KATNIP: variants seen among roughly 807,000 people sequenced by gnomAD.
KATNIP encodes katanin-interacting protein.
In KATNIP, 126 loss-of-function variants were observed where a neutral mutation model predicts 174.0. The ratio of observed to expected loss-of-function variants is 0.72; its 90% confidence interval spans 0.63 to 0.84. The LOEUF (loss-of-function observed/expected upper bound fraction) is 0.84, where lower values mean the gene tolerates loss of function less well. Among genes scored for constraint, KATNIP ranks in the 40% least tolerant of loss-of-function variants. The pLI, the probability that KATNIP is intolerant of heterozygous loss-of-function variation, is 0.00. For missense variants in KATNIP, 1,958 were observed against 2,109.7 expected, an observed-to-expected ratio of 0.93 and a Z score of 1.41; for synonymous variants, 810 against 835.7, an observed-to-expected ratio of 0.97 and a Z score of 0.53.
intron 2 of KATNIP, among the ~76,000 whole-genome samples, chr16:27,616,960 G>A (rs2076058537): frequency 7.7e-6 from 1 of 130,310 alleles, no homozygotes; most frequent in Admixed American, 8.4e-5. Flanking sequence ...TTTATATGTA[G>A]ATATGTATCT....
chr16:27,677,943 C>T lies in KATNIP; in HGVS notation c.755C>T (p.Ser252Phe), dbSNP rs746639861. 4 of 1,614,138 alleles carry T rather than the reference C, an allele frequency of 2.5e-6. No individual in the cohort carries two copies. The East Asian group carries it at 8.9e-5, about 36-fold the overall frequency. Reference protein sequence around the residue: ...VHGEQETEGRSSPGPDTLVVL... With the variant: ...VHGEQETEGRFSPGPDTLVVL... ...GGGGAACAGGAGACAGAAGGACGCT[C>T]TTCTCCAGGCCCAGACACCCTCGTG... is the stretch of plus-strand genomic sequence containing the variant. The change falls in exon 7 of 28, where the codon TCT becomes TTT. Residue 252 changes from serine (S) to phenylalanine (F), a missense_variant. Physicochemically the swap from Ser to Phe is radical, Grantham distance 155. Coordinates refer to ENST00000261588, the MANE Select transcript of KATNIP (RefSeq NM_015202.5).
rs1292702030 is a variant in KATNIP, at chr16:27,766,360, C to G, written c.3861C>G (p.Ile1287Met). 6.2e-7 allele frequency: 1 copy of G among 1,614,192 alleles called. No individual in the cohort carries two copies. Among genetic ancestry groups the G allele is most frequent in the East Asian group, 2.2e-5 (1 of 44,878 alleles). Residue 1287 changes from isoleucine (I) to methionine (M), a missense_variant, in exon 20 of 28, where the codon ATC (isoleucine) becomes ATG (methionine). Physicochemically the swap from Ile to Met is conservative, Grantham distance 10 (BLOSUM62 1). Around this residue, in one of 3 missense-constraint regions of KATNIP, gnomAD observed 383 missense variants for 456.0 expected, o/e 0.84. Transcript: ENST00000261588. Reference protein sequence around the residue: ...ITMEDEHMWLIPFSPGLDHVV... With the variant: ...ITMEDEHMWLMPFSPGLDHVV... The stretch of plus-strand genomic sequence containing the variant: ...TGGAGGATGAGCATATGTGGCTGAT[C>G]CCCTTCTCGCCGGGGCTGGACCATG...
intron 8 of KATNIP, among the ~76,000 whole-genome samples, chr16:27,697,156 T>C (rs1317798688): frequency 6.6e-6 from 1 of 152,232 alleles, no homozygotes; most frequent in Non-Finnish European, 1.5e-5. Flanking sequence ...TTTATATTCC[T>C]TTGGGTATAT....
At chr16:27,560,080 A>G (rs1270011) in intron 1 of KATNIP, among the ~76,000 whole-genome samples, 145,666 of 152,010 alleles carry the variant, frequency 0.96, 69,851 homozygotes, top group East Asian at 1. Context: ...TCAGGAGTTC[A>G]AGACTAGCCT....
chr16:27,747,928 G>A (rs2081353624), intron 15 of KATNIP, among the ~76,000 whole-genome samples: 1 of 152,204 alleles, frequency 6.6e-6, no homozygotes, highest in African/African-American at 2.4e-5. Flanking sequence ...TGCCAGTGGG[G>A]AAGGAGTGAT....
chr16:27,699,421 T>A, intron 9 of KATNIP, 113 bp from the exon 10 acceptor site: 1 of 1,508,522 alleles, frequency 6.6e-7, no homozygotes, highest in Non-Finnish European at 8.9e-7. Flanking sequence ...GAACTTTATA[T>A]CTATGGTAGC....
intron 5 of KATNIP, among the ~76,000 whole-genome samples, chr16:27,646,922 T>C (rs1361696322): frequency 2.0e-5 from 3 of 152,196 alleles, no homozygotes; most frequent in East Asian, 3.8e-4. Context: ...CACCTCCCCA[T>C]TGCAGCTGGC....
rs563607410 is a variant in KATNIP, at chr16:27,691,685, A to G, written c.941-6643A>G. Among the ~76,000 whole-genome samples the G allele has an allele frequency of 2.0e-5, 3 of 152,336 alleles. No individual in the cohort carries two copies. In the South Asian group the frequency reaches 6.2e-4, roughly 32 times the overall value. ...CTCTGGTAGTGGAGCTGCAGCATTG[A>G]CCTTCACTTGGAGAAAGGGTGATTT... is the stretch of plus-strand genomic sequence containing the variant. On this transcript the variant is annotated intron_variant, in intron 8 of 27. Coordinates refer to ENST00000261588, the MANE Select transcript of KATNIP (RefSeq NM_015202.5).
intron 21 of KATNIP, among the ~76,000 whole-genome samples, chr16:27,770,911 C>G (rs1302200223): frequency 6.6e-6 from 1 of 152,218 alleles, no homozygotes; most frequent in African/African-American, 2.4e-5. Flanking sequence ...TCTCCCCATC[C>G]TGCCCCAGAC....
chr16:27,748,494 G>C (rs969701669), intron 15 of KATNIP, among the ~76,000 whole-genome samples: 1 of 152,186 alleles, frequency 6.6e-6, no homozygotes, highest in Non-Finnish European at 1.5e-5. Context: ...GGGAGGCTGA[G>C]GTGGGAGGAT....
intron 15 of KATNIP, among the ~76,000 whole-genome samples, chr16:27,748,204 C>T (rs1309001257): frequency 6.6e-6 from 1 of 152,204 alleles, no homozygotes; most frequent in Non-Finnish European, 1.5e-5. Flanking sequence ...ACCGTGTTCT[C>T]CACGCACCTG....
chr16:27,763,001 A>G (rs944139655), intron 19 of KATNIP, among the ~76,000 whole-genome samples: 2 of 152,208 alleles, frequency 1.3e-5, no homozygotes, highest in African/African-American at 4.8e-5. Context: ...AAGAGAAAAC[A>G]TAATCCTGGT....
Position 27,778,772 on chromosome 16 carries a change from C to T in KATNIP, c.*143C>T, listed in dbSNP as rs755086161. On this transcript the variant is annotated 3_prime_UTR_variant, in exon 28 of 28. Coordinates refer to ENST00000261588, the MANE Select transcript of KATNIP (RefSeq NM_015202.5). ...GGGAGCCCGCTGGGAAGAGGGGACT[C>T]GGGAGGACAGCCCTGGATACTACCA... 192 of 703,526 alleles carry T rather than the reference C, an allele frequency of 2.7e-4. 1 individual carries two copies. Among genetic ancestry groups the T allele is most frequent in the Middle Eastern group, 1.9e-3 (5 of 2,578 alleles). The allele number at this position is 703,526 out of a possible 1,614,324, so 43.6% of individuals were successfully genotyped here. A position where few individuals can be genotyped will look rare whatever the true frequency, so the allele number is the denominator to read the frequency against.
rs2082594416 is a variant in KATNIP, at chr16:27,778,687, C to T, written c.*58C>T. 6.5e-7 allele frequency: 1 copy of T among 1,531,386 alleles called. No homozygotes were observed. The highest frequency in any genetic ancestry group is 9.0e-7 in the Non-Finnish European group (1 of 1,112,466). 94.9% of individuals were successfully genotyped at this position (1,531,386 alleles called of 1,614,324 possible). A position where few individuals can be genotyped will look rare whatever the true frequency, so the allele number is the denominator to read the frequency against. On this transcript the variant is annotated 3_prime_UTR_variant, in exon 28 of 28. Transcript: ENST00000261588. ...ATGGTGGGCTCCGTCAGCAGCCCCA[C>T]TCAGTGCCTGCGTCCCTCACCCTCA...
At chr16:27,729,547 G>GA (rs2080579099) in intron 14 of KATNIP, among the ~76,000 whole-genome samples, 2 of 152,134 alleles carry the variant, frequency 1.3e-5, no homozygotes. Flanking sequence ...TTAGAACATA[G>GA]GAGTCACATG....
rs16976984 is a variant in KATNIP, at chr16:27,778,955, G to A, written c.*326G>A. 39,339 of 279,490 alleles carry A rather than the reference G, an allele frequency of 0.14. 3,229 individuals carry two copies. The highest frequency in any genetic ancestry group is 0.24 in the African/African-American group (10,886 of 45,794). The allele number at this position is 279,490 out of a possible 1,614,324, so 17.3% of individuals were successfully genotyped here. ...CCTGGGCTGACCCTGACTCAGAACAGGACAATGACGGGGTGGGGAGGCATC... is the reference window on the plus strand; with the variant it reads ...CCTGGGCTGACCCTGACTCAGAACAAGACAATGACGGGGTGGGGAGGCATC... On this transcript the variant is annotated 3_prime_UTR_variant, in exon 28 of 28. Coordinates refer to ENST00000261588, the MANE Select transcript of KATNIP (RefSeq NM_015202.5).
chr16:27,767,652 A>G (rs917473790), intron 20 of KATNIP, among the ~76,000 whole-genome samples: 3 of 152,230 alleles, frequency 2.0e-5, no homozygotes, highest in African/African-American at 7.2e-5. Context: ...TTGAGGCTGC[A>G]GTGAGCTATG....
At chr16:27,660,203 T>G (rs2077425407) in intron 6 of KATNIP, among the ~76,000 whole-genome samples, 1 of 152,172 alleles carries the variant, frequency 6.6e-6, no homozygotes, top group Non-Finnish European at 1.5e-5. Flanking sequence ...CTGCCAGCTC[T>G]GAAATCGTAA....
chr16:27,674,768 C>T (rs2078051530), intron 6 of KATNIP, among the ~76,000 whole-genome samples: 1 of 152,156 alleles, frequency 6.6e-6, no homozygotes, highest in African/African-American at 2.4e-5. Flanking sequence ...TCCAGCCTAC[C>T]ACAGCCCACC....
Sources: allele counts gnomAD v4.1 joint callset (sites outside exome capture counted in the v4.1 genomes callset), GRCh38; gene constraint gnomAD v4.1.1; regional missense constraint gnomAD v4.1.1; transcripts MANE v1.5; gene names NCBI Gene and HGNC (gene_info 2026-07-23, HGNC 2026-07-21).